Variants in HDGFL3 observed in about 807,000 individuals in gnomAD.
The protein encoded by HDGFL3 is hepatoma-derived growth factor-related protein 3.
A neutral mutation model predicts 27.6 loss-of-function variants in HDGFL3; 6 were observed. That is an observed-to-expected ratio of 0.22 (90% CI 0.12 to 0.43). The LOEUF (loss-of-function observed/expected upper bound fraction) is 0.43, where lower values mean the gene tolerates loss of function less well. HDGFL3 is among the 20% of genes least tolerant of loss of function. The probability of loss-of-function intolerance (pLI) is 1.00; values close to 1 mark genes in which losing one functional copy is unlikely to be tolerated. For missense variants in HDGFL3, 207 were observed against 250.1 expected, an observed-to-expected ratio of 0.83 and a Z score of 1.16; for synonymous variants, 88 against 88.9, an observed-to-expected ratio of 0.99 and a Z score of 0.05.
downstream of HDGFL3, among the ~76,000 whole-genome samples, chr15:83,125,695 T>C (rs570258634): frequency 2.0e-5 from 3 of 152,370 alleles, no homozygotes; most frequent in African/African-American, 7.2e-5. Flanking sequence ...CAATTTCTAT[T>C]CGAAGCCTGT....
chr15:83,166,134 C>T (rs1356222174), intron 1 of HDGFL3, among the ~76,000 whole-genome samples: 1 of 152,016 alleles, frequency 6.6e-6, no homozygotes, highest in Non-Finnish European at 1.5e-5. Context: ...AAATGAACAT[C>T]ACCAAGGCAT....
intron 2 of HDGFL3, among the ~76,000 whole-genome samples, chr15:83,158,988 T>C (rs2037065483): frequency 6.6e-6 from 1 of 152,096 alleles, no homozygotes; most frequent in Admixed American, 6.6e-5. Context: ...ATTACAGGCA[T>C]GCTCCATCAC....
intron 5 of HDGFL3, among the ~76,000 whole-genome samples, chr15:83,146,991 T>C (rs1212688609): frequency 2.0e-5 from 3 of 152,120 alleles, no homozygotes; most frequent in African/African-American, 7.2e-5. Context: ...CGTGCCCAAA[T>C]ACTCTGCCTT....
intron 1 of HDGFL3, among the ~76,000 whole-genome samples, chr15:83,165,950 T>C (rs1353577689): frequency 6.6e-6 from 1 of 151,664 alleles, no homozygotes; most frequent in Admixed American, 6.6e-5. Context: ...AATACAGAAT[T>C]ATATAAAATG....
At chr15:83,151,103 A>G (rs2036958489) in intron 5 of HDGFL3, 112 bp downstream of exon 5, 3 of 995,238 alleles carry the variant, frequency 3.0e-6, no homozygotes, top group Non-Finnish European at 4.5e-6. Flanking sequence ...ATAGGCTGAG[A>G]ATACTTCTCC....
At chr15:83,176,260 A>C (rs992871788) in intron 1 of HDGFL3, among the ~76,000 whole-genome samples, 8 of 152,204 alleles carry the variant, frequency 5.3e-5, no homozygotes, top group Non-Finnish European at 1.0e-4. Context: ...ACCTCTGGAA[A>C]GGGTATTAAC....
downstream of HDGFL3, chr15:83,122,863 T>C (rs768565659): frequency 6.2e-7 from 1 of 1,614,128 alleles, no homozygotes; most frequent in Non-Finnish European, 8.5e-7. Context: ...CAGAAAATTA[T>C]AATTACCCCT....
At chr15:83,176,808 C>T (rs1439004682) in intron 1 of HDGFL3, among the ~76,000 whole-genome samples, 1 of 151,458 alleles carries the variant, frequency 6.6e-6, no homozygotes, top group Admixed American at 6.6e-5. Context: ...GATTTTTGCA[C>T]TGAGATTGCA....
At chr15:83,186,803 C>G (rs2037448546) in intron 1 of HDGFL3, among the ~76,000 whole-genome samples, 1 of 152,116 alleles carries the variant, frequency 6.6e-6, no homozygotes, top group African/African-American at 2.4e-5. Context: ...GGTGATGGTG[C>G]ACTAAAATCC....
In HDGFL3 at chr15:83,132,627, C is replaced by CA. The variant is rs1248336588; in HGVS notation, c.*6642dup. 6.6e-6 allele frequency: 1 copy of CA among 152,108 alleles called. No individual in the cohort carries two copies. The highest frequency in any genetic ancestry group is 1.5e-5 in the Non-Finnish European group (1 of 68,034). The allele number at this position is 152,108 out of a possible 1,614,324, so 9.4% of individuals were successfully genotyped here. The stretch of plus-strand genomic sequence containing the variant: ...CAGGCTGGTCTCAAACTCCTGGACT[C>CA]AAGTGACCCTCCCGCCTTGGCATCC... On this transcript the variant is annotated 3_prime_UTR_variant, in exon 6 of 6. Coordinates refer to ENST00000299633, the MANE Select transcript of HDGFL3 (RefSeq NM_016073.4).
At chr15:83,147,423 T>C (rs545332327) in intron 5 of HDGFL3, among the ~76,000 whole-genome samples, 150 of 152,254 alleles carry the variant, frequency 9.9e-4, no homozygotes, top group African/African-American at 3.5e-3. Flanking sequence ...CATTTTGTGA[T>C]CATTTCTGAC....
chr15:83,172,147 T>G (rs931237889), intron 1 of HDGFL3, among the ~76,000 whole-genome samples: 1 of 152,090 alleles, frequency 6.6e-6, no homozygotes, highest in African/African-American at 2.4e-5. Flanking sequence ...TTTTCAGAGG[T>G]GATTAGGCCT....
At chr15:83,147,886 T>C (rs2036918008) in intron 5 of HDGFL3, among the ~76,000 whole-genome samples, 1 of 152,170 alleles carries the variant, frequency 6.6e-6, no homozygotes, top group Non-Finnish European at 1.5e-5. Context: ...AATATGATGA[T>C]CCATGTTAGT....
intron 1 of HDGFL3, among the ~76,000 whole-genome samples, chr15:83,204,012 T>A (rs2037684509): frequency 1.4e-5 from 2 of 138,364 alleles, no homozygotes; most frequent in Non-Finnish European, 3.1e-5. Context: ...CACACAAAAT[T>A]AGGCATACTA....
chr15:83,168,272 C>A (rs534039369), intron 1 of HDGFL3, among the ~76,000 whole-genome samples: 5 of 151,256 alleles, frequency 3.3e-5, no homozygotes, highest in African/African-American at 7.3e-5. Flanking sequence ...AACAAACTAA[C>A]CCCAAAGCTG....
At chr15:83,181,788 T>G (rs2151416524) in intron 1 of HDGFL3, among the ~76,000 whole-genome samples, 1 of 152,266 alleles carries the variant, frequency 6.6e-6, no homozygotes, top group Admixed American at 6.5e-5. Context: ...TATAGTCACA[T>G]TTTAAATTGA....
At chr15:83,161,165 C>CT (rs1413402112) in intron 2 of HDGFL3, among the ~76,000 whole-genome samples, 4 of 152,164 alleles carry the variant, frequency 2.6e-5, no homozygotes, top group African/African-American at 9.7e-5. Context: ...GCTAAGCTGC[C>CT]TGGTATTCAC....
chr15:83,191,935 C>CTTTT (rs749998701), intron 1 of HDGFL3, among the ~76,000 whole-genome samples: 46 of 106,702 alleles, frequency 4.3e-4, no homozygotes, highest in Non-Finnish European at 5.8e-4. Flanking sequence ...CTTATCTCTC[C>CTTTT]TTTTTTTTTT....
chr15:83,165,416 A>G (rs911999224), intron 1 of HDGFL3, among the ~76,000 whole-genome samples: 2 of 152,184 alleles, frequency 1.3e-5, no homozygotes, highest in Non-Finnish European at 2.9e-5. Flanking sequence ...AGCACATACC[A>G]GTTGCTTAAT....
Sources: gnomAD v4.1 joint callset for allele counts (sites outside exome capture counted in the v4.1 genomes callset) on GRCh38, gnomAD v4.1.1 for gene constraint, MANE v1.5 for transcripts, NCBI Gene and HGNC (gene_info 2026-07-23, HGNC 2026-07-21) for gene names.